The following MIEF1 variants were observed in gnomAD, a reference collection of about 807,000 sequenced individuals.
MIEF1 encodes the protein mitochondrial dynamics protein MIEF1.
A neutral mutation model predicts 35.1 loss-of-function variants in MIEF1; 14 were observed. That is an observed-to-expected ratio of 0.40 (90% CI 0.26 to 0.62). MIEF1 has a LOEUF of 0.62. Among genes scored for constraint, MIEF1 ranks in the 20% least tolerant of loss-of-function variants. The pLI is 0.43. For missense variants in MIEF1, 542 were observed against 615.4 expected (o/e 0.88, Z 1.26); for synonymous variants, 245 against 254.3 (o/e 0.96, Z 0.35).
Position 39,512,027 on chromosome 22 carries a change from G to A in MIEF1, c.322+1G>A. ...ACAGACTCCTCCACCTTCGACACAGGTGAGAAGGGCTGCTGCCCCTCCTGG... is the reference window on the plus strand; with the variant it reads ...ACAGACTCCTCCACCTTCGACACAGATGAGAAGGGCTGCTGCCCCTCCTGG... On this transcript the variant is annotated splice_donor_variant, in intron 4 of 5. Transcript: ENST00000325301. LOFTEE classifies it high-confidence loss of function. The A allele has an allele frequency of 6.2e-7, 1 of 1,610,828 alleles. No individual in the cohort carries two copies. The highest frequency in any genetic ancestry group is 8.5e-7 in the Non-Finnish European group (1 of 1,178,160).
rs1930696498 is a variant in MIEF1, at chr22:39,516,845, A to G, written c.*2522A>G. 1 of 152,234 alleles carries G rather than the reference A, an allele frequency of 6.6e-6. No homozygotes were observed. The highest frequency in any genetic ancestry group is 1.5e-5 in the Non-Finnish European group (1 of 68,048). The allele number at this position is 152,234 out of a possible 1,614,324, so 9.4% of individuals were successfully genotyped here. Reference sequence around the variant, plus strand: ...AAAGAGCATCTCTTTTAACTGTTGGACAAAACCATAACTTTGTCATTTTAC... The same window carrying G: ...AAAGAGCATCTCTTTTAACTGTTGGGCAAAACCATAACTTTGTCATTTTAC... On this transcript the variant is annotated 3_prime_UTR_variant, in exon 6 of 6. Coordinates refer to ENST00000325301, the MANE Select transcript of MIEF1 (RefSeq NM_019008.6).
At position 39,515,574 on chromosome 22, in the gene MIEF1, A is replaced by G. The variant is rs1930620396; in HGVS notation, c.*1251A>G. ...TGCTACCAAGGAAGAGAGCACACAGATAAGACAGAGGGGAGGAGGTGGGCA... is the reference window on the plus strand; with the variant it reads ...TGCTACCAAGGAAGAGAGCACACAGGTAAGACAGAGGGGAGGAGGTGGGCA... On this transcript the variant is annotated 3_prime_UTR_variant, in exon 6 of 6. Transcript: ENST00000325301. 4 of 554,040 alleles carry G rather than the reference A, an allele frequency of 7.2e-6. No homozygotes were observed. The highest frequency in any genetic ancestry group is 7.1e-5 in the Admixed American group (2 of 28,320). 34.3% of individuals were successfully genotyped at this position (554,040 alleles called of 1,614,324 possible). A position where few individuals can be genotyped will look rare whatever the true frequency, so the allele number is the denominator to read the frequency against.
chr22:39,501,583 G>C (rs971919979), upstream of MIEF1: 9 of 152,184 alleles, frequency 5.9e-5, no homozygotes, highest in African/African-American at 2.2e-4. Flanking sequence ...CACGGCCTCC[G>C]TCCTCAAATC....
chr22:39,507,758 G>C (rs1930120256), intron 2 of MIEF1, among the ~76,000 whole-genome samples: 1 of 151,912 alleles, frequency 6.6e-6, no homozygotes, highest in African/African-American at 2.4e-5. Flanking sequence ...CCAGCTACTA[G>C]GGAGGCTGAA....
chr22:39,512,074 C>A, intron 4 of MIEF1, 48 bp downstream of exon 4: 2 of 1,588,912 alleles, frequency 1.3e-6, no homozygotes, highest in Non-Finnish European at 1.7e-6. Flanking sequence ...ACTTTCAGTA[C>A]CACTCCTGCA....
intron 3 of MIEF1, 59 bp from the exon 4 acceptor site, chr22:39,511,790 T>C: frequency 6.5e-7 from 1 of 1,533,562 alleles, no homozygotes; most frequent in Admixed American, 2.1e-5. Context: ...AGGAAGTAAA[T>C]TGGAAGGAAA....
At position 39,504,307 on chromosome 22, in the gene MIEF1, C is replaced by G; in HGVS notation, c.-235C>G. ...CGCCAGGGCCGACAGCTTCGCTACA[C>G]TGATCGAGACTTCTACTTTGCCTCC... On this transcript the variant is annotated 5_prime_UTR_variant, in exon 2 of 6. Transcript: ENST00000325301. 1 of 399,112 alleles carries G rather than the reference C, an allele frequency of 2.5e-6. No homozygotes were observed. Among genetic ancestry groups the G allele is most frequent in the East Asian group, 3.6e-5 (1 of 28,078 alleles). The allele number at this position is 399,112 out of a possible 1,614,324, so 24.7% of individuals were successfully genotyped here. A position where few individuals can be genotyped will look rare whatever the true frequency, so the allele number is the denominator to read the frequency against.
At position 39,514,346 on chromosome 22, in the gene MIEF1, T is replaced by G. The variant is rs1601753712; in HGVS notation, c.*23T>G. On this transcript the variant is annotated 3_prime_UTR_variant, in exon 6 of 6. Coordinates refer to ENST00000325301, the MANE Select transcript of MIEF1 (RefSeq NM_019008.6). Reference sequence around the variant, plus strand: ...TAGGGCAGGTGAAGGCCAAAGCGGGTGTTGGTGGTCAGGCCCTGGATTCTC... The same window carrying G: ...TAGGGCAGGTGAAGGCCAAAGCGGGGGTTGGTGGTCAGGCCCTGGATTCTC... 1 of 1,608,370 alleles carries G rather than the reference T, an allele frequency of 6.2e-7. No homozygotes were observed.
At chr22:39,501,569 G>A (rs749075796), upstream of MIEF1, 1 of 152,300 alleles carries the variant, frequency 6.6e-6, no homozygotes, top group Admixed American at 6.5e-5. Flanking sequence ...AGCTTCCATA[G>A]AGACACGGCC....
Position 39,512,341 on chromosome 22 carries a change from G to T in MIEF1, c.432G>T (p.Arg144=), listed in dbSNP as rs762350332. The change falls in exon 5 of 6, where the codon CGG becomes CGT. Residue 144 remains arginine (R), a synonymous_variant. Transcript: ENST00000325301. ...AGGAGAAACTTCTTACTTACTACCG[G>T]AACCGGGCAGCCATCCCTGCTGGAG... ...SLQEKLLTYY[R]NRAAIPAGEQ... 10 of 1,614,140 alleles carry T rather than the reference G, an allele frequency of 6.2e-6. No individual in the cohort carries two copies. The South Asian group carries it at 1.1e-4, about 18-fold the overall frequency.
At chr22:39,513,152 G>A (rs2145752384) in intron 5 of MIEF1, among the ~76,000 whole-genome samples, 1 of 150,354 alleles carries the variant, frequency 6.7e-6, no homozygotes, top group East Asian at 2.0e-4. Flanking sequence ...CCAGGCTGGA[G>A]TGCAGTGGCA....
Position 39,516,979 on chromosome 22 carries a change from C to T in MIEF1, c.*2656C>T, listed in dbSNP as rs1203606057. 6.6e-6 allele frequency: 1 copy of T among 152,318 alleles called. No individual in the cohort carries two copies. The highest frequency in any genetic ancestry group is 1.5e-5 in the Non-Finnish European group (1 of 68,144). 9.4% of individuals were successfully genotyped at this position (152,318 alleles called of 1,614,324 possible). A position where few individuals can be genotyped will look rare whatever the true frequency, so the allele number is the denominator to read the frequency against. ...CTGGGCAAGCCGTTCTTTTTGCTGC[C>T]ATCTTCCTCATCATAAAGTGTGGAA... On this transcript the variant is annotated 3_prime_UTR_variant, in exon 6 of 6. Coordinates refer to ENST00000325301, the MANE Select transcript of MIEF1 (RefSeq NM_019008.6).
In MIEF1 at chr22:39,514,109, C is replaced by T. The variant is rs766301038; in HGVS notation, c.1178C>T (p.Ala393Val). 6.2e-7 allele frequency: 1 copy of T among 1,614,168 alleles called. No homozygotes were observed. The highest frequency in any genetic ancestry group is 1.1e-5 in the South Asian group (1 of 91,088). Residue 393 changes from alanine (A) to valine (V), a missense_variant, in exon 6 of 6, where the codon GCC becomes GTC. Ala to Val is a moderately conservative substitution (Grantham distance 64, BLOSUM62 0). Coordinates refer to ENST00000325301, the MANE Select transcript of MIEF1 (RefSeq NM_019008.6). Reference protein sequence around the residue: ...SQLTNVILHLAQEEADWSPDM... With the variant: ...SQLTNVILHLVQEEADWSPDM... ...CTAACCAATGTCATCCTCCACTTGG[C>T]CCAGGAGGAGGCTGACTGGTCTCCG...
chr22:39,511,430 GT>G lies in MIEF1; in HGVS notation c.138del (p.Lys47SerfsTer17). 1 of 1,574,590 alleles carries G rather than the reference GT, an allele frequency of 6.4e-7. No homozygotes were observed. Among genetic ancestry groups the G allele is most frequent in the Non-Finnish European group, 8.6e-7 (1 of 1,157,766 alleles). On this transcript the variant is annotated frameshift_variant, in exon 3 of 6. Coordinates refer to ENST00000325301, the MANE Select transcript of MIEF1 (RefSeq NM_019008.6). LOFTEE classifies it high-confidence loss of function. ...CATGCTGGGCATCGCCACGCTGGCA[GT>G]TAAGCGGGTAAGTGCATGCAGCCAG... ...AAMLGIATLA[V>X]KRMYDRAISA...
In MIEF1 at chr22:39,517,525, G is replaced by A. The variant is rs1423346706; in HGVS notation, c.*3202G>A. 1 of 471,132 alleles carries A rather than the reference G, an allele frequency of 2.1e-6. No homozygotes were observed. The highest frequency in any genetic ancestry group is 2.0e-5 in the African/African-American group (1 of 50,184). 29.2% of individuals were successfully genotyped at this position (471,132 alleles called of 1,614,324 possible). A position where few individuals can be genotyped will look rare whatever the true frequency, so the allele number is the denominator to read the frequency against. On this transcript the variant is annotated 3_prime_UTR_variant, in exon 6 of 6. Transcript: ENST00000325301. ...AGTCTTGAAGGGGAATCAGCTTCAG[G>A]ATGGAAGGACCCAGGAGAGGCCCCG...
At chr22:39,505,625 A>G (rs905519327) in intron 2 of MIEF1, among the ~76,000 whole-genome samples, 2 of 152,208 alleles carry the variant, frequency 1.3e-5, no homozygotes, top group African/African-American at 4.8e-5. Flanking sequence ...TGTAATGTAT[A>G]TCTTCTTATG....
rs1930614612 is a variant in MIEF1, at chr22:39,515,510, C to T, written c.*1187C>T. 1 of 609,014 alleles carries T rather than the reference C, an allele frequency of 1.6e-6. No individual in the cohort carries two copies. Among genetic ancestry groups the T allele is most frequent in the South Asian group, 2.0e-5 (1 of 50,444 alleles). The allele number at this position is 609,014 out of a possible 1,614,324, so 37.7% of individuals were successfully genotyped here. A position where few individuals can be genotyped will look rare whatever the true frequency, so the allele number is the denominator to read the frequency against. On this transcript the variant is annotated 3_prime_UTR_variant, in exon 6 of 6. Coordinates refer to ENST00000325301, the MANE Select transcript of MIEF1 (RefSeq NM_019008.6). ...CAAGTGAGCATGCACGGACCTCTTC[C>T]CCCTGTCCTGTTTCTCACCCAGCAC...
chr22:39,509,802 C>T (rs1372657619), intron 2 of MIEF1, among the ~76,000 whole-genome samples: 3 of 152,126 alleles, frequency 2.0e-5, no homozygotes, highest in Non-Finnish European at 4.4e-5. Flanking sequence ...AGTTTCAGTT[C>T]CGTGTGCAGG....
chr22:39,513,422 T>TG (rs886489945), intron 5 of MIEF1, 95 bp from the exon 6 acceptor site: 58 of 1,295,702 alleles, frequency 4.5e-5, no homozygotes, highest in Middle Eastern at 4.0e-4. Context: ...CCATTCTTGC[T>TG]GGGGGGGAAT....
Sources: gnomAD v4.1 joint callset for allele counts (sites outside exome capture counted in the v4.1 genomes callset) on GRCh38, gnomAD v4.1.1 for gene constraint, MANE v1.5 for transcripts, NCBI Gene and HGNC (gene_info 2026-07-23, HGNC 2026-07-21) for gene names.